Variants in FANCB observed in about 807,000 individuals in gnomAD.
FANCB encodes Fanconi anemia group B protein.
Under a neutral mutation model 38.9 loss-of-function variants are expected in FANCB, and 5 were observed. The observed-to-expected ratio is 0.13, with a 90% CI of 0.07 to 0.27. The LOEUF (loss-of-function observed/expected upper bound fraction) is 0.27, where lower values mean the gene tolerates loss of function less well. FANCB is among the 10% of genes least tolerant of loss of function. The pLI is 1.00. For missense variants in FANCB, 573 were observed against 602.7 expected, an observed-to-expected ratio of 0.95 and a Z score of 0.52; for synonymous variants, 236 against 215.4, an observed-to-expected ratio of 1.10 and a Z score of -0.84.
chrX:14,847,405 G>A (rs1481778585), intron 7 of FANCB, among the ~76,000 whole-genome samples: 2 of 110,613 alleles, frequency 1.8e-5, no homozygotes, highest in African/African-American at 6.6e-5. Context: ...AAGAACTGAA[G>A]ATAAAATTAG....
the FANCB span, among the ~76,000 whole-genome samples, chrX:14,726,036 G>A: frequency 8.9e-6 from 1 of 112,102 alleles, no homozygotes; most frequent in South Asian, 3.7e-4. Flanking sequence ...TGAGTTTCTG[G>A]CTAATCAGAA....
chrX:14,823,847 A>G, the FANCB span, among the ~76,000 whole-genome samples: 59 of 111,549 alleles, frequency 5.3e-4, no homozygotes, highest in African/African-American at 1.8e-3. Flanking sequence ...CCCCAGTCAT[A>G]CATTTGTTCT....
chrX:14,812,281 A>C, the FANCB span, among the ~76,000 whole-genome samples: 1 of 111,008 alleles, frequency 9.0e-6, no homozygotes, highest in Non-Finnish European at 1.9e-5. Flanking sequence ...AAACACATTC[A>C]AAAGCTAGCA....
At chrX:14,710,468 A>G in the FANCB span, among the ~76,000 whole-genome samples, 1 of 112,130 alleles carries the variant, frequency 8.9e-6, no homozygotes, top group African/African-American at 3.2e-5. Flanking sequence ...GTGAGGTAAC[A>G]TGTTACTATA....
chrX:14,812,895 A>G, the FANCB span, among the ~76,000 whole-genome samples: 1 of 107,010 alleles, frequency 9.3e-6, no homozygotes, highest in Non-Finnish European at 1.9e-5. Flanking sequence ...TCCTTGATGA[A>G]CATTGATGCA....
the FANCB span, among the ~76,000 whole-genome samples, chrX:14,698,270 T>A: frequency 8.9e-6 from 1 of 111,915 alleles, no homozygotes; most frequent in Admixed American, 9.5e-5. Context: ...ATTTTGCCCC[T>A]GAGGCCTCAC....
the FANCB span, among the ~76,000 whole-genome samples, chrX:14,754,270 C>A: frequency 3.6e-5 from 4 of 112,202 alleles, no homozygotes; most frequent in African/African-American, 1.3e-4. Flanking sequence ...GAACTATATG[C>A]CAACAAATTG....
At chrX:14,853,617 G>A (rs1477231029) in intron 5 of FANCB, among the ~76,000 whole-genome samples, 2 of 112,009 alleles carry the variant, frequency 1.8e-5, no homozygotes, top group Non-Finnish European at 3.8e-5. Context: ...ATCAGATACT[G>A]CTCGAAATTT....
the FANCB span, among the ~76,000 whole-genome samples, chrX:14,798,638 T>C: frequency 8.9e-6 from 1 of 112,060 alleles, no homozygotes; most frequent in Non-Finnish European, 1.9e-5. Flanking sequence ...CAAAAACTTA[T>C]AAATAAAAGC....
the FANCB span, among the ~76,000 whole-genome samples, chrX:14,815,112 T>C: frequency 9.9e-5 from 11 of 110,600 alleles, no homozygotes; most frequent in African/African-American, 3.6e-4. Context: ...TAGATGGGAA[T>C]TGAACAATGG....
intron 3 of FANCB, 29 bp from the exon 4 acceptor site, chrX:14,859,363 G>A: frequency 9.0e-7 from 1 of 1,109,379 alleles, no homozygotes; most frequent in Non-Finnish European, 1.2e-6. Flanking sequence ...TATAGGAGGA[G>A]TAGACAAGAA....
At chrX:14,726,749 T>C in the FANCB span, among the ~76,000 whole-genome samples, 13 of 112,757 alleles carry the variant, frequency 1.2e-4, no homozygotes, top group African/African-American at 3.9e-4. Flanking sequence ...TGAAAGACTA[T>C]AGAAATTAAA....
At chrX:14,705,137 C>T in the FANCB span, among the ~76,000 whole-genome samples, 2 of 112,273 alleles carry the variant, frequency 1.8e-5, no homozygotes, top group African/African-American at 3.2e-5. Flanking sequence ...ATGAAAACTA[C>T]ATTCTTTAAG....
At chrX:14,731,490 G>GTAAC in the FANCB span, 5 of 111,596 alleles carry the variant, frequency 4.5e-5, no homozygotes, top group Admixed American at 9.6e-5. Flanking sequence ...CATTGTAGGT[G>GTAAC]TAACTACTAG....
At chrX:14,846,223 T>C in intron 7 of FANCB, among the ~76,000 whole-genome samples, 1 of 111,423 alleles carries the variant, frequency 9.0e-6, no homozygotes, top group East Asian at 2.8e-4. Context: ...CTTGAAGTTT[T>C]TACATCATGG....
At chrX:14,807,863 C>T in the FANCB span, among the ~76,000 whole-genome samples, 2 of 111,005 alleles carry the variant, frequency 1.8e-5, no homozygotes, top group Non-Finnish European at 1.9e-5. Flanking sequence ...AAATAAAATC[C>T]GAAATGAAAA....
chrX:14,843,052 T>C (rs1181688435), downstream of FANCB, among the ~76,000 whole-genome samples: 20 of 111,990 alleles, frequency 1.8e-4, no homozygotes, highest in Admixed American at 5.7e-4. Context: ...GAAGTTGATT[T>C]TTACATGCTA....
the FANCB span, among the ~76,000 whole-genome samples, chrX:14,805,099 T>G: frequency 9.0e-6 from 1 of 111,589 alleles, no homozygotes; most frequent in African/African-American, 3.3e-5. Context: ...AAACTCCACA[T>G]GCCTCAATTG....
At chrX:14,766,880 C>T in the FANCB span, among the ~76,000 whole-genome samples, 1 of 110,381 alleles carries the variant, frequency 9.1e-6, no homozygotes, top group Non-Finnish European at 1.9e-5. Flanking sequence ...TGTGTTGTTC[C>T]CCATCCTCAT....
Sources: allele counts gnomAD v4.1 joint callset (sites outside exome capture counted in the v4.1 genomes callset), GRCh38; gene constraint gnomAD v4.1.1; transcripts MANE v1.5; gene names NCBI Gene and HGNC (gene_info 2026-07-23, HGNC 2026-07-21).